SLC2A9: variants seen among roughly 807,000 people sequenced by gnomAD.
The protein encoded by SLC2A9 is solute carrier family 2, facilitated glucose transporter member 9.
Under a neutral mutation model 50.6 loss-of-function variants are expected in SLC2A9, and 39 were observed. The observed-to-expected ratio is 0.77, with a 90% confidence interval of 0.60 to 1.01. The LOEUF is 1.01. Among genes scored for constraint, SLC2A9 ranks in the 50% least tolerant of loss-of-function variants. The pLI, the probability that SLC2A9 is intolerant of heterozygous loss-of-function variation, is 0.00. For missense variants in SLC2A9, 686 were observed against 677.6 expected, an observed-to-expected ratio of 1.01 and a Z score of -0.14; for synonymous variants, 324 against 276.9, an observed-to-expected ratio of 1.17 and a Z score of -1.69.
intron 3 of SLC2A9, among the ~76,000 whole-genome samples, chr4:9,806,099 A>C (rs1266045954): frequency 6.6e-6 from 1 of 152,222 alleles, no homozygotes; most frequent in Non-Finnish European, 1.5e-5. Flanking sequence ...AACACTCAGT[A>C]AATTCTTTCC....
chr4:9,812,212 T>A (rs1325227636), intron 3 of SLC2A9, among the ~76,000 whole-genome samples: 1 of 152,216 alleles, frequency 6.6e-6, no homozygotes, highest in Admixed American at 6.5e-5. Context: ...CCCTGATTTT[T>A]AAAAATTATC....
chr4:10,011,187 A>T (rs944997221), intron 2 of SLC2A9, among the ~76,000 whole-genome samples: 1 of 152,126 alleles, frequency 6.6e-6, no homozygotes, highest in Non-Finnish European at 1.5e-5. Context: ...TGCTTCCAGA[A>T]TCTTCCTGTA....
chr4:9,895,744 G>A (rs1560260729), intron 8 of SLC2A9, among the ~76,000 whole-genome samples: 2 of 152,196 alleles, frequency 1.3e-5, no homozygotes, highest in Non-Finnish European at 2.9e-5. Context: ...GCACAGTCTT[G>A]TATGTTTTGA....
intron 3 of SLC2A9, among the ~76,000 whole-genome samples, chr4:9,786,523 C>T (rs1719244304): frequency 6.6e-6 from 1 of 152,202 alleles, no homozygotes; most frequent in Non-Finnish European, 1.5e-5. Context: ...CATTGTGTAC[C>T]TGCTCTTTGC....
intron 5 of SLC2A9, among the ~76,000 whole-genome samples, chr4:9,960,862 G>T (rs1360781817): frequency 6.6e-6 from 1 of 152,136 alleles, no homozygotes; most frequent in Non-Finnish European, 1.5e-5. Flanking sequence ...TAAAATTGGA[G>T]ACTGAACCCA....
intron 2 of SLC2A9, among the ~76,000 whole-genome samples, chr4:10,018,549 T>TAGATAGATAGATGATAGAC (rs756485953): frequency 4.5e-5 from 5 of 110,664 alleles, no homozygotes; most frequent in Non-Finnish European, 9.8e-5. Flanking sequence ...TCAAAGATGA[T>TAGATAGATAGATGATAGAC]AGATAGATAG....
intron 3 of SLC2A9, chr4:9,782,127 C>G: frequency 1.3e-6 from 2 of 1,547,806 alleles, no homozygotes; most frequent in Non-Finnish European, 1.7e-6. Flanking sequence ...TCGGCGGGGG[C>G]ACCGCCACTG....
intron 3 of SLC2A9, among the ~76,000 whole-genome samples, chr4:9,815,613 A>G (rs1723468061): frequency 6.6e-6 from 1 of 152,188 alleles, no homozygotes; most frequent in Non-Finnish European, 1.5e-5. Context: ...CTACATTTGC[A>G]TGCTTCATTT....
At chr4:9,791,537 G>A (rs1461746104) in intron 3 of SLC2A9, among the ~76,000 whole-genome samples, 1 of 152,226 alleles carries the variant, frequency 6.6e-6, no homozygotes, top group East Asian at 1.9e-4. Context: ...GGACCCAAGT[G>A]TATTTTGCAT....
chr4:10,040,165 G>A (rs1330805050), exon 1 of SLC2A9: 1 of 152,234 alleles, frequency 6.6e-6, no homozygotes, highest in Non-Finnish European at 1.5e-5. Context: ...ATCTTCCTCT[G>A]CATCTCCTTC....
intron 10 of SLC2A9, among the ~76,000 whole-genome samples, chr4:9,875,747 A>G (rs897814591): frequency 1.3e-5 from 2 of 152,164 alleles, no homozygotes; most frequent in Admixed American, 6.5e-5. Context: ...GACAAAGCCA[A>G]TGACTACTTC....
chr4:9,796,986 A>G (rs1048386166), downstream of SLC2A9, among the ~76,000 whole-genome samples: 11 of 152,160 alleles, frequency 7.2e-5, no homozygotes, highest in African/African-American at 2.7e-4. Flanking sequence ...AGGAGGGAAA[A>G]CGGATGTTTG....
intron 10 of SLC2A9, among the ~76,000 whole-genome samples, chr4:9,859,099 C>A (rs1731201071): frequency 6.6e-6 from 1 of 152,234 alleles, no homozygotes; most frequent in East Asian, 1.9e-4. Context: ...AGGTTTTGGA[C>A]TTGAACTGAT....
At chr4:9,989,014 T>A (rs1560445101) in intron 3 of SLC2A9, among the ~76,000 whole-genome samples, 1 of 152,240 alleles carries the variant, frequency 6.6e-6, no homozygotes, top group Admixed American at 6.5e-5. Context: ...CCTATGGAAA[T>A]AATGTATCTC....
At chr4:9,861,264 C>A (rs1731582623) in intron 10 of SLC2A9, among the ~76,000 whole-genome samples, 1 of 152,000 alleles carries the variant, frequency 6.6e-6, no homozygotes, top group Non-Finnish European at 1.5e-5. Context: ...CACATGATGG[C>A]AGCAGGAACA....
intron 2 of SLC2A9, among the ~76,000 whole-genome samples, chr4:10,018,545 A>ATGATAGATAGATAGATGAT (rs1762999176): frequency 2.4e-5 from 3 of 127,364 alleles, no homozygotes; most frequent in East Asian, 7.5e-4. Flanking sequence ...CATCTCAAAG[A>ATGATAGATAGATAGATGAT]TGATAGATAG....
chr4:9,783,241 G>A, intron 3 of SLC2A9: 1 of 1,614,218 alleles, frequency 6.2e-7, no homozygotes, highest in South Asian at 1.1e-5. Flanking sequence ...TCTTCCACAA[G>A]GAAATCGCAG....
downstream of SLC2A9, among the ~76,000 whole-genome samples, chr4:9,825,301 T>C (rs1039549477): frequency 6.6e-6 from 1 of 152,338 alleles, no homozygotes; most frequent in Middle Eastern, 3.4e-3. Flanking sequence ...CCCCTCAACA[T>C]ATCTATTCCA....
intron 10 of SLC2A9, among the ~76,000 whole-genome samples, chr4:9,867,711 C>T (rs1577607626): frequency 6.6e-6 from 1 of 152,196 alleles, no homozygotes; most frequent in South Asian, 2.1e-4. Flanking sequence ...GAGCTGGGGA[C>T]ACCGTGGATG....
Sources: gnomAD v4.1 joint callset for allele counts (sites outside exome capture counted in the v4.1 genomes callset) on GRCh38, gnomAD v4.1.1 for gene constraint, MANE v1.5 for transcripts, NCBI Gene and HGNC (gene_info 2026-07-23, HGNC 2026-07-21) for gene names.